CLRN1: variants seen among roughly 807,000 people sequenced by gnomAD.
The protein encoded by CLRN1 is clarin-1.
CLRN1 carries 15 observed loss-of-function variants against 18.7 expected under a neutral mutation model. The observed-to-expected ratio is 0.80, with a 90% CI of 0.54 to 1.23. The LOEUF (loss-of-function observed/expected upper bound fraction) is 1.23. Among genes scored for constraint, CLRN1 ranks in the 50% most tolerant of loss-of-function variants. The pLI is 0.00. For missense variants in CLRN1, 311 were observed against 277.5 expected (o/e 1.12, Z -0.86); for synonymous variants, 104 against 102.9 (o/e 1.01, Z -0.07).
At chr3:150,933,494 A>C (rs1467388604) in intron 2 of CLRN1, among the ~76,000 whole-genome samples, 1 of 152,104 alleles carries the variant, frequency 6.6e-6, no homozygotes, top group Non-Finnish European at 1.5e-5. Flanking sequence ...TTTCAGGCTG[A>C]AGGAAGAGTG....
intron 1 of CLRN1, among the ~76,000 whole-genome samples, chr3:150,970,501 A>T (rs1439290395): frequency 7.2e-6 from 1 of 138,306 alleles, no homozygotes; most frequent in Admixed American, 7.6e-5. Flanking sequence ...ATTGAAAAAG[A>T]TACTTTTATG....
At chr3:150,964,087 T>C (rs1423803086) in intron 1 of CLRN1, among the ~76,000 whole-genome samples, 1 of 152,142 alleles carries the variant, frequency 6.6e-6, no homozygotes, top group Non-Finnish European at 1.5e-5. Context: ...CTAAAAAAAC[T>C]TCTGCGCAGC....
intron 1 of CLRN1, among the ~76,000 whole-genome samples, chr3:150,952,633 TAAACAAAC>T (rs544994393): frequency 2.6e-4 from 39 of 152,220 alleles, no homozygotes; most frequent in African/African-American, 8.4e-4. Flanking sequence ...TAGCAGTTAT[TAAACAAAC>T]AAACAAACAA....
chr3:150,946,704 C>CTTTTTT (rs34471891), intron 1 of CLRN1, among the ~76,000 whole-genome samples: 18 of 110,674 alleles, frequency 1.6e-4, no homozygotes, highest in East Asian at 5.0e-4. Context: ...CAGACCATTT[C>CTTTTTT]TTTTTTTTTT....
At chr3:150,950,506 A>G (rs1293625003) in intron 1 of CLRN1, among the ~76,000 whole-genome samples, 1 of 152,268 alleles carries the variant, frequency 6.6e-6, no homozygotes, top group African/African-American at 2.4e-5. Flanking sequence ...ACATGAGCAG[A>G]CACTTTTCAA....
Position 150,972,688 on chromosome 3 carries a change from T to G in CLRN1, c.21A>C (p.Lys7Asn), listed in dbSNP as rs1379091912. The G allele has an allele frequency of 2.5e-6, 4 of 1,614,036 alleles. No individual in the cohort carries two copies. The South Asian group carries it at 4.4e-5, about 18-fold the overall frequency. The change falls in exon 1 of 3, where the codon AAA (lysine) becomes AAC (asparagine). Residue 7 changes from lysine to asparagine, a missense_variant. By Grantham distance (94) the Lys-to-Asn change is moderately conservative. Transcript: ENST00000327047. MPSQQK[K>N]IIFCMAGVFS... is the part of the protein sequence containing the mutation. ...ACACTCCGGCCATGCAAAAAATGAT[T>G]TTCTTCTGTTGGCTTGGCATGATGA...
At chr3:150,933,713 A>G (rs1713294944) in intron 2 of CLRN1, among the ~76,000 whole-genome samples, 4 of 152,190 alleles carry the variant, frequency 2.6e-5, no homozygotes, top group Admixed American at 2.6e-4. Flanking sequence ...GTGATAGAAA[A>G]TGATTAAGCA....
chr3:150,958,351 G>A (rs1350372317), intron 1 of CLRN1, among the ~76,000 whole-genome samples: 1 of 152,028 alleles, frequency 6.6e-6, no homozygotes, highest in Non-Finnish European at 1.5e-5. Context: ...CCAAATATTG[G>A]AGGAGCCTTA....
At chr3:150,966,474 G>A (rs2107988128) in intron 1 of CLRN1, among the ~76,000 whole-genome samples, 1 of 152,330 alleles carries the variant, frequency 6.6e-6, no homozygotes, top group Non-Finnish European at 1.5e-5. Flanking sequence ...AAAATTGGAG[G>A]AAGCAGGATG....
chr3:150,940,539 A>G, intron 2 of CLRN1: 1 of 1,533,698 alleles, frequency 6.5e-7, no homozygotes, highest in Non-Finnish European at 8.7e-7. Flanking sequence ...AAAAAGAAAC[A>G]GTCGAATAGA....
chr3:150,961,188 T>C (rs1430604700), intron 1 of CLRN1, among the ~76,000 whole-genome samples: 3 of 152,190 alleles, frequency 2.0e-5, no homozygotes, highest in Non-Finnish European at 4.4e-5. Context: ...CCCCTCCTCC[T>C]TGTGGCTTCT....
intron 1 of CLRN1, among the ~76,000 whole-genome samples, chr3:150,945,130 G>C (rs1182361211): frequency 6.6e-6 from 1 of 152,142 alleles, no homozygotes; most frequent in Non-Finnish European, 1.5e-5. Context: ...TGTGCTAAGT[G>C]CCTCAATGAC....
chr3:150,956,320 C>A (rs1008951964), intron 1 of CLRN1, among the ~76,000 whole-genome samples: 1 of 152,100 alleles, frequency 6.6e-6, no homozygotes, highest in Non-Finnish European at 1.5e-5. Context: ...ACGTGAGTGG[C>A]ATTTTGTAAT....
chr3:150,963,996 A>G (rs55990585), intron 1 of CLRN1, among the ~76,000 whole-genome samples: 27,617 of 152,172 alleles, frequency 0.18, 2,784 homozygotes, highest in East Asian at 0.39. Context: ...TTCAGGACAT[A>G]GGCGTGGGCA....
intron 1 of CLRN1, among the ~76,000 whole-genome samples, chr3:150,969,655 C>T (rs1408578364): frequency 6.6e-6 from 1 of 151,998 alleles, no homozygotes; most frequent in African/African-American, 2.4e-5. Flanking sequence ...TTGGCCAGTG[C>T]TGATATAAAT....
chr3:150,931,654 G>A (rs1014771921), intron 2 of CLRN1, among the ~76,000 whole-genome samples: 1 of 152,184 alleles, frequency 6.6e-6, no homozygotes, highest in African/African-American at 2.4e-5. Context: ...TATGCTTGAG[G>A]CTCTTTACTG....
chr3:150,970,542 G>A (rs1186187633), intron 1 of CLRN1, among the ~76,000 whole-genome samples: 1 of 150,826 alleles, frequency 6.6e-6, no homozygotes, highest in Non-Finnish European at 1.5e-5. Context: ...TCTACTGTAA[G>A]TATTCTTAGC....
intron 1 of CLRN1, among the ~76,000 whole-genome samples, chr3:150,966,519 G>A (rs1436699870): frequency 6.6e-6 from 1 of 152,160 alleles, no homozygotes; most frequent in Non-Finnish European, 1.5e-5. Context: ...TCTTCCATTT[G>A]TGCTTTCTCA....
At chr3:150,942,419 C>T (rs1713910812) in intron 1 of CLRN1, 1 of 195,842 alleles carries the variant, frequency 5.1e-6, no homozygotes, top group East Asian at 1.7e-4. Context: ...CATTTTAGGG[C>T]TTCTTTCATC....
Sources: gnomAD v4.1 joint callset for allele counts (sites outside exome capture counted in the v4.1 genomes callset) on GRCh38, gnomAD v4.1.1 for gene constraint, MANE v1.5 for transcripts, NCBI Gene and HGNC (gene_info 2026-07-23, HGNC 2026-07-21) for gene names.